The following ADAMTSL1 variants were observed in gnomAD, a reference collection of about 807,000 sequenced individuals.
ADAMTSL1 encodes ADAMTS like 1.
Under a neutral mutation model 201.8 loss-of-function variants are expected in ADAMTSL1, and 126 were observed. That is an observed-to-expected ratio of 0.62 (90% confidence interval 0.54 to 0.72). The LOEUF (loss-of-function observed/expected upper bound fraction) is 0.72, where lower values mean the gene tolerates loss of function less well. Ranked by LOEUF, ADAMTSL1 falls within the 30% of genes least tolerant of loss-of-function variation. The pLI, the probability that ADAMTSL1 is intolerant of heterozygous loss-of-function variation, is 0.00. For missense variants in ADAMTSL1, 2,679 were observed against 2,277.8 expected (o/e 1.18, Z -3.59); for synonymous variants, 1,121 against 903.4 (o/e 1.24, Z -4.32).
At chr9:18,406,118 T>G (rs947542084) in intron 2 of ADAMTSL1, among the ~76,000 whole-genome samples, 6 of 152,340 alleles carry the variant, frequency 3.9e-5, no homozygotes, top group African/African-American at 1.4e-4. Flanking sequence ...CAAACACATC[T>G]TCTCTTCACT....
chr9:18,453,134 C>T (rs767285575), intron 2 of ADAMTSL1, among the ~76,000 whole-genome samples: 3 of 152,150 alleles, frequency 2.0e-5, no homozygotes, highest in Non-Finnish European at 4.4e-5. Flanking sequence ...ACCATGTAGC[C>T]GTTGCCAAGG....
intron 15 of ADAMTSL1, among the ~76,000 whole-genome samples, chr9:18,749,039 T>A (rs1819306828): frequency 6.6e-6 from 1 of 152,202 alleles, no homozygotes; most frequent in Non-Finnish European, 1.5e-5. Context: ...TTTGCCTGTG[T>A]GTCTCCCTCT....
chr9:18,564,299 C>T (rs1026391372), intron 3 of ADAMTSL1, among the ~76,000 whole-genome samples: 3 of 152,116 alleles, frequency 2.0e-5, no homozygotes, highest in African/African-American at 7.2e-5. Context: ...CCTGGTGAGG[C>T]GACGCACCAC....
intron 2 of ADAMTSL1, among the ~76,000 whole-genome samples, chr9:18,344,357 A>T (rs1490523548): frequency 6.6e-6 from 1 of 151,908 alleles, no homozygotes; most frequent in Non-Finnish European, 1.5e-5. Context: ...GGATCTCGTT[A>T]TGTTGTCCAG....
chr9:18,134,174 A>G (rs1351397095), intron 1 of ADAMTSL1, among the ~76,000 whole-genome samples: 1 of 152,180 alleles, frequency 6.6e-6, no homozygotes, highest in Non-Finnish European at 1.5e-5. Context: ...ATATGGAAGT[A>G]TGCACTCATA....
At chr9:18,368,181 C>T (rs1245475880) in intron 2 of ADAMTSL1, among the ~76,000 whole-genome samples, 1 of 152,172 alleles carries the variant, frequency 6.6e-6, no homozygotes, top group Non-Finnish European at 1.5e-5. Flanking sequence ...TCCCAAAGTG[C>T]TGCGATTACA....
intron 2 of ADAMTSL1, among the ~76,000 whole-genome samples, chr9:18,270,116 T>A (rs1306762312): frequency 6.6e-6 from 1 of 152,074 alleles, no homozygotes; most frequent in Admixed American, 6.6e-5. Flanking sequence ...TTCTCATAGT[T>A]CTGGAGACTG....
Position 17,982,666 on chromosome 9 carries a change from A to T in ADAMTSL1, c.87+75744A>T, listed in dbSNP as rs1210774979. On this transcript the variant is annotated intron_variant, in intron 1 of 29. Coordinates refer to the ADAMTSL1 transcript ENST00000680146. ...AATAAAACCGGGCAGGATATAGTCC[A>T]GCAAACTGAGTGCGTGGAATCACAG... Among the ~76,000 whole-genome samples, 6 of 152,320 alleles carry T rather than the reference A, an allele frequency of 3.9e-5. No homozygotes were observed. The East Asian group carries it at 1.2e-3, about 29-fold the overall frequency.
chr9:18,867,430 A>T (rs1827603033), intron 23 of ADAMTSL1, among the ~76,000 whole-genome samples: 1 of 152,230 alleles, frequency 6.6e-6, no homozygotes, highest in South Asian at 2.1e-4. Flanking sequence ...ATTCCTGATG[A>T]TTTAAACAGT....
At chr9:18,311,895 G>C (rs188966719) in intron 2 of ADAMTSL1, among the ~76,000 whole-genome samples, 1 of 152,266 alleles carries the variant, frequency 6.6e-6, no homozygotes, top group African/African-American at 2.4e-5. Flanking sequence ...CATTTGTCAA[G>C]TGGGCAAGGA....
chr9:18,762,938 T>A (rs1033486047), intron 16 of ADAMTSL1, among the ~76,000 whole-genome samples: 1 of 152,216 alleles, frequency 6.6e-6, no homozygotes, highest in African/African-American at 2.4e-5. Flanking sequence ...TCTTAGCTAT[T>A]GTAAAGAATA....
intron 23 of ADAMTSL1, among the ~76,000 whole-genome samples, chr9:18,855,090 T>C (rs971269976): frequency 6.6e-6 from 1 of 152,182 alleles, no homozygotes; most frequent in African/African-American, 2.4e-5. Context: ...TCTGATATCT[T>C]GACCATCACA....
intron 7 of ADAMTSL1, among the ~76,000 whole-genome samples, chr9:18,644,845 C>A (rs1489335025): frequency 6.6e-6 from 1 of 151,990 alleles, no homozygotes; most frequent in Non-Finnish European, 1.5e-5. Flanking sequence ...CCACAATAAA[C>A]ATACGTGTGC....
At chr9:18,067,588 C>A (rs1031624104) in intron 1 of ADAMTSL1, among the ~76,000 whole-genome samples, 2 of 152,152 alleles carry the variant, frequency 1.3e-5, no homozygotes, top group Non-Finnish European at 2.9e-5. Flanking sequence ...AATTCATATT[C>A]CAGTTTTCTT....
intron 1 of ADAMTSL1, among the ~76,000 whole-genome samples, chr9:17,938,233 G>C (rs531613876): frequency 2.0e-5 from 3 of 152,236 alleles, no homozygotes; most frequent in African/African-American, 7.2e-5. Context: ...GCTGCTGTCA[G>C]GGAGGCGTAA....
rs1417608178 is a variant in ADAMTSL1 at position 18,845,720 on chromosome 9, C to G, written c.4249+15743C>G. Among the ~76,000 whole-genome samples the G allele has an allele frequency of 3.3e-5, 5 of 152,334 alleles. No homozygotes were observed. The East Asian group carries it at 9.6e-4, about 29-fold the overall frequency. ...CATCCCTGCTAAGAGCGGCAAGGCT[C>G]TTGTTGACCCTAAATCTCATGCAAA... On this transcript the variant is annotated intron_variant, in intron 23 of 28. Transcript: ENST00000380548.
intron 24 of ADAMTSL1, 107 bp from the exon 25 acceptor site, chr9:18,889,461 G>T: frequency 8.1e-7 from 1 of 1,236,702 alleles, no homozygotes; most frequent in Non-Finnish European, 1.1e-6. Flanking sequence ...TCTCCTTCAG[G>T]CCACAAATCC....
chr9:18,258,914 G>C (rs1027264997), intron 2 of ADAMTSL1, among the ~76,000 whole-genome samples: 8 of 152,158 alleles, frequency 5.3e-5, no homozygotes, highest in African/African-American at 1.9e-4. Context: ...GGTCAGCAAT[G>C]ACCTTCATCT....
At chr9:17,984,335 T>A (rs1818837681) in intron 1 of ADAMTSL1, among the ~76,000 whole-genome samples, 1 of 152,146 alleles carries the variant, frequency 6.6e-6, no homozygotes, top group South Asian at 2.1e-4. Context: ...GCTGGCTGAC[T>A]AATTTATCTC....
Sources: allele counts gnomAD v4.1 joint callset (sites outside exome capture counted in the v4.1 genomes callset), GRCh38; gene constraint gnomAD v4.1.1; transcripts MANE v1.5; gene names NCBI Gene and HGNC (gene_info 2026-07-23, HGNC 2026-07-21).